Variants in PCDH15 observed in about 807,000 individuals in gnomAD.
PCDH15 encodes protocadherin related 15.
A neutral mutation model predicts 178.5 loss-of-function variants in PCDH15; 129 were observed. That is an observed-to-expected ratio of 0.72 (90% CI 0.63 to 0.84). The LOEUF (loss-of-function observed/expected upper bound fraction) is 0.84. Among genes scored for constraint, PCDH15 ranks in the 40% least tolerant of loss-of-function variants. The pLI is 0.00. For synonymous variants in PCDH15, 800 were observed against 732.0 expected (o/e 1.09, Z -1.50); for missense variants, 2,230 against 2,099.9 (o/e 1.06, Z -1.21).
At chr10:54,137,759 A>C (rs1004065493) in intron 14 of PCDH15, among the ~76,000 whole-genome samples, 3 of 152,134 alleles carry the variant, frequency 2.0e-5, no homozygotes, top group Non-Finnish European at 4.4e-5. Flanking sequence ...ACCAGATTAA[A>C]ATCTTCTTCT....
chr10:53,810,531 T>C (rs768498595), intron 37 of PCDH15, 25 bp downstream of exon 37: 1 of 1,587,482 alleles, frequency 6.3e-7, no homozygotes, highest in South Asian at 1.1e-5. Context: ...AATATTATCT[T>C]ACATAATAAA....
intron 2 of PCDH15, among the ~76,000 whole-genome samples, chr10:55,001,595 G>T (rs1421070353): frequency 6.6e-6 from 1 of 152,154 alleles, no homozygotes; most frequent in Non-Finnish European, 1.5e-5. Context: ...ACCTGGAGCT[G>T]CCCACCCTGA....
At chr10:54,387,266 A>G (rs1043187820) in intron 3 of PCDH15, among the ~76,000 whole-genome samples, 6 of 152,184 alleles carry the variant, frequency 3.9e-5, no homozygotes, top group Non-Finnish European at 8.8e-5. Context: ...TGGAAGAGGT[A>G]CTTACATACC....
chr10:54,779,453 C>A (rs867902819), intron 1 of PCDH15, among the ~76,000 whole-genome samples: 1 of 114,262 alleles, frequency 8.8e-6, no homozygotes, highest in African/African-American at 3.3e-5. Context: ...TATATACACT[C>A]ATATATGTGT....
At chr10:54,896,169 G>C (rs1424723724) in intron 3 of PCDH15, among the ~76,000 whole-genome samples, 1 of 152,124 alleles carries the variant, frequency 6.6e-6, no homozygotes, top group Non-Finnish European at 1.5e-5. Flanking sequence ...GCAAGGGTTA[G>C]CCACCACGCC....
intron 2 of PCDH15, among the ~76,000 whole-genome samples, chr10:55,108,368 A>G (rs1837410550): frequency 6.6e-6 from 1 of 152,188 alleles, no homozygotes; most frequent in African/African-American, 2.4e-5. Context: ...CGGGTTATGG[A>G]TTTATTACAT....
chr10:54,417,647 T>A (rs1954633981), intron 3 of PCDH15, among the ~76,000 whole-genome samples: 1 of 152,174 alleles, frequency 6.6e-6, no homozygotes, highest in Non-Finnish European at 1.5e-5. Context: ...TGGGAGAATG[T>A]ATATTAACAT....
chr10:53,977,968 G>A (rs916394602), intron 21 of PCDH15, among the ~76,000 whole-genome samples: 21 of 152,288 alleles, frequency 1.4e-4, no homozygotes, highest in African/African-American at 4.6e-4. Context: ...CATGGCCTTG[G>A]ACAGCACTAC....
At chr10:54,385,249 C>A (rs1274059872) in intron 3 of PCDH15, among the ~76,000 whole-genome samples, 1 of 152,054 alleles carries the variant, frequency 6.6e-6, no homozygotes, top group Non-Finnish European at 1.5e-5. Flanking sequence ...AATCTGTTTT[C>A]TCACCTATAA....
At chr10:55,510,271 T>A (rs1218984633) in intron 2 of PCDH15, among the ~76,000 whole-genome samples, 1 of 152,000 alleles carries the variant, frequency 6.6e-6, no homozygotes. Context: ...TACGGTAGAA[T>A]CACATATTGA....
At chr10:54,476,590 T>A (rs956607767) in intron 3 of PCDH15, among the ~76,000 whole-genome samples, 5 of 152,274 alleles carry the variant, frequency 3.3e-5, no homozygotes, top group Admixed American at 2.0e-4. Flanking sequence ...TAGGTTATAA[T>A]CCAAAGAAGT....
intron 18 of PCDH15, among the ~76,000 whole-genome samples, chr10:54,031,508 T>A (rs956060318): frequency 1.3e-5 from 2 of 151,138 alleles, no homozygotes; most frequent in African/African-American, 4.9e-5. Context: ...GTACAATGTA[T>A]GAGAAGTGGA....
chr10:55,555,700 G>A (rs1289860384), intron 2 of PCDH15, among the ~76,000 whole-genome samples: 1 of 152,052 alleles, frequency 6.6e-6, no homozygotes, highest in Non-Finnish European at 1.5e-5. Flanking sequence ...TGAATGACAT[G>A]TTAGAAGTAA....
intron 2 of PCDH15, among the ~76,000 whole-genome samples, chr10:55,383,550 T>C (rs576986662): frequency 1.3e-5 from 2 of 152,264 alleles, no homozygotes; most frequent in Non-Finnish European, 2.9e-5. Context: ...TCAATACTAA[T>C]TATGGAATGA....
intron 3 of PCDH15, among the ~76,000 whole-genome samples, chr10:54,508,948 C>T (rs1260399462): frequency 3.9e-5 from 6 of 152,026 alleles, no homozygotes; most frequent in South Asian, 2.1e-4. Flanking sequence ...TTACATTTCA[C>T]GTATACACAC....
At chr10:54,099,514 ATATATAT>A (rs1373103527) in intron 15 of PCDH15, among the ~76,000 whole-genome samples, 2 of 92,902 alleles carry the variant, frequency 2.2e-5, no homozygotes, top group Non-Finnish European at 3.9e-5. Flanking sequence ...AAAAAAAAAA[ATATATAT>A]ATATATATAT....
chr10:54,474,433 G>A (rs2078131949), intron 3 of PCDH15, among the ~76,000 whole-genome samples: 1 of 151,870 alleles, frequency 6.6e-6, no homozygotes, highest in South Asian at 2.1e-4. Flanking sequence ...CTGTAAATAA[G>A]CTTCTTCCAG....
intron 3 of PCDH15, among the ~76,000 whole-genome samples, chr10:54,446,446 G>T (rs1400758856): frequency 1.3e-5 from 2 of 151,406 alleles, no homozygotes; most frequent in African/African-American, 2.4e-5. Flanking sequence ...TACTACTGTT[G>T]ATTCGGTTTT....
At chr10:54,196,100 G>T (rs975546879) in intron 10 of PCDH15, among the ~76,000 whole-genome samples, 1 of 151,968 alleles carries the variant, frequency 6.6e-6, no homozygotes, top group African/African-American at 2.4e-5. Context: ...AAAACTCAGT[G>T]TATATTTTAA....
Sources: allele counts gnomAD v4.1 joint callset (sites outside exome capture counted in the v4.1 genomes callset), GRCh38; gene constraint gnomAD v4.1.1; transcripts MANE v1.5; gene names NCBI Gene and HGNC (gene_info 2026-07-23, HGNC 2026-07-21).